ADGRE1: variants seen among roughly 807,000 people sequenced by gnomAD.
ADGRE1 encodes adhesion G protein-coupled receptor E1, also known as EGF-like module receptor 1.
A neutral mutation model predicts 102.7 loss-of-function variants in ADGRE1; 82 were observed. The ratio of observed to expected loss-of-function variants is 0.80; its 90% CI spans 0.67 to 0.96. The LOEUF (loss-of-function observed/expected upper bound fraction) is 0.96, where lower values mean the gene tolerates loss of function less well. ADGRE1 is among the 40% of genes least tolerant of loss of function. The pLI, the probability that ADGRE1 is intolerant of heterozygous loss-of-function variation, is 0.00. For synonymous variants in ADGRE1, 398 were observed against 399.6 expected, an observed-to-expected ratio of 1.00 and a Z score of 0.05; for missense variants, 1,032 against 1,085.3, an observed-to-expected ratio of 0.95 and a Z score of 0.69.
intron 10 of ADGRE1, among the ~76,000 whole-genome samples, chr19:6,909,447 T>C (rs1293655815): frequency 6.6e-6 from 1 of 152,152 alleles, no homozygotes; most frequent in Non-Finnish European, 1.5e-5. Context: ...TGGAAGAGTG[T>C]TATATAAATG....
At chr19:6,887,702 A>G in intron 1 of ADGRE1, 63 bp downstream of exon 1, 1 of 1,552,864 alleles carries the variant, frequency 6.4e-7, no homozygotes, top group Non-Finnish European at 8.8e-7. Context: ...TTCAGGAGAA[A>G]TGGGAGGGCC....
intron 17 of ADGRE1, among the ~76,000 whole-genome samples, chr19:6,932,538 T>C (rs1474936563): frequency 6.6e-6 from 1 of 152,126 alleles, no homozygotes; most frequent in East Asian, 1.9e-4. Flanking sequence ...CCAGCATTTT[T>C]GGTGTTTTGT....
intron 19 of ADGRE1, 62 bp downstream of exon 19, chr19:6,937,473 G>A (rs1298182350): frequency 4.6e-5 from 30 of 646,778 alleles, no homozygotes; most frequent in Admixed American, 4.5e-4. Flanking sequence ...CTTCCCCACC[G>A]CATCCCTCCA....
chr19:6,909,554 C>A (rs673320), intron 10 of ADGRE1, among the ~76,000 whole-genome samples: 22,956 of 149,800 alleles, frequency 0.15, 1,871 homozygotes, highest in Middle Eastern at 0.21. Flanking sequence ...AATGCCATTT[C>A]CTCCTCCTCC....
rs202178543 is a variant in ADGRE1, at chr19:6,937,666, C to T, written c.2655+18C>T. On this transcript the variant is annotated intron_variant, in intron 20 of 20. Coordinates refer to ENST00000312053, the MANE Select transcript of ADGRE1 (RefSeq NM_001974.5). ...CCAAGACGGTGAGAGACTGCATGCT[C>T]CCTGCAGGTGCTGGTCGAGGGAGGT... 233 of 1,611,604 alleles carry T rather than the reference C, an allele frequency of 1.4e-4. No individual in the cohort carries two copies. The African/African-American group carries it at 2.6e-3, about 18-fold the overall frequency.
intron 14 of ADGRE1, among the ~76,000 whole-genome samples, chr19:6,922,438 A>AC (rs1257106652): frequency 6.6e-6 from 1 of 151,128 alleles, no homozygotes; most frequent in Non-Finnish European, 1.5e-5. Flanking sequence ...ACATGGTGAA[A>AC]CCCCCGTCTC....
chr19:6,916,585 A>G (rs995645581), intron 12 of ADGRE1, among the ~76,000 whole-genome samples: 8 of 152,014 alleles, frequency 5.3e-5, no homozygotes, highest in Non-Finnish European at 1.0e-4. Context: ...CCTATATGAT[A>G]TGTGCTGGTC....
In ADGRE1 at chr19:6,913,726, C is replaced by T. The variant is rs1223741145; in HGVS notation, c.1196C>T (p.Ser399Phe). ...ACTAAATTCACCAAGGAAGAGACGT[C>T]CTCCCTGGCCACAGTCTTCCTGGAG... Reference protein sequence around the residue: ...TWTKFTKEETSSLATVFLESV... With the variant: ...TWTKFTKEETFSLATVFLESV... Residue 399 changes from serine to phenylalanine, a missense_variant, in exon 11 of 21, where the codon TCC (serine) becomes TTC (phenylalanine). Physicochemically the swap from Ser to Phe is radical, Grantham distance 155. Coordinates refer to ENST00000312053, the MANE Select transcript of ADGRE1 (RefSeq NM_001974.5). 1.2e-6 allele frequency: 2 copies of T among 1,613,390 alleles called. No homozygotes were observed. The highest frequency in any genetic ancestry group is 1.1e-5 in the South Asian group (1 of 90,820).
chr19:6,940,313 A>T lies in ADGRE1; in HGVS notation c.*284A>T. 1.9e-6 allele frequency: 1 copy of T among 534,166 alleles called. No individual in the cohort carries two copies. Among genetic ancestry groups the T allele is most frequent in the Non-Finnish European group, 3.4e-6 (1 of 298,162 alleles). 33.1% of individuals were successfully genotyped at this position (534,166 alleles called of 1,614,324 possible). ...ACCCAAATTCAATGGCATGACCAAG[A>T]ACACCTGGCTACCATTTTGTTTTCT... On this transcript the variant is annotated 3_prime_UTR_variant, in exon 21 of 21. Transcript: ENST00000312053.
rs1974677725 is a variant in ADGRE1, at chr19:6,921,807, C to A, written c.1715C>A (p.Ala572Asp). 1 of 1,614,000 alleles carries A rather than the reference C, an allele frequency of 6.2e-7. No homozygotes were observed. Among genetic ancestry groups the A allele is most frequent in the Non-Finnish European group, 8.5e-7 (1 of 1,180,024 alleles). The change falls in exon 14 of 21, where the codon GCT becomes GAT. Residue 572 changes from alanine (A) to aspartate (D), a missense_variant. Coordinates refer to ENST00000312053, the MANE Select transcript of ADGRE1 (RefSeq NM_001974.5). ...TCCTTTGGCTGTGTGATCCTGGAAG[C>A]TTCTGAGACATATACCATCTGCAGC... is the stretch of plus-strand genomic sequence containing the variant. ...WTSFGCVILE[A>D]SETYTICSCN...
At chr19:6,909,860 G>C (rs1056092176) in intron 10 of ADGRE1, among the ~76,000 whole-genome samples, 5 of 151,964 alleles carry the variant, frequency 3.3e-5, no homozygotes, top group African/African-American at 1.2e-4. Context: ...TCAGCCTCCC[G>C]AGTAGTTGGG....
intron 20 of ADGRE1, among the ~76,000 whole-genome samples, 168 bp downstream of exon 20, chr19:6,937,816 TTAGCAG>T (rs1975489289): frequency 6.6e-6 from 1 of 152,058 alleles, no homozygotes; most frequent in Non-Finnish European, 1.5e-5. Flanking sequence ...TATGTATATA[TTAGCAG>T]ACACACACAC....
Position 6,937,179 on chromosome 19 carries a change from A to G in ADGRE1, c.2382-64A>G, listed in dbSNP as rs1428585977. The G allele has an allele frequency of 1.9e-6, 3 of 1,542,732 alleles. No homozygotes were observed. In the African/African-American group the frequency reaches 4.1e-5, roughly 21 times the overall value. ...GTGGCCACCTCAGACCATTCCTGGA[A>G]GTGTGGCCTGCAAGGACAATAGCCA... On this transcript the variant is annotated intron_variant, in intron 18 of 20. Transcript: ENST00000312053.
chr19:6,903,526 C>A (rs454176), intron 6 of ADGRE1, among the ~76,000 whole-genome samples: 2 of 151,924 alleles, frequency 1.3e-5, no homozygotes, highest in Non-Finnish European at 2.9e-5. Flanking sequence ...TTCCTTAGAG[C>A]CTTGGTGTTC....
intron 20 of ADGRE1, among the ~76,000 whole-genome samples, chr19:6,939,530 T>C (rs118088828): frequency 0.013 from 2,012 of 152,242 alleles, 26 homozygotes; most frequent in Middle Eastern, 0.027. Context: ...TTCCCCAGTT[T>C]TCCATTCCAC....
At chr19:6,918,556 G>A (rs561577273) in intron 12 of ADGRE1, among the ~76,000 whole-genome samples, 4 of 152,144 alleles carry the variant, frequency 2.6e-5, no homozygotes, top group Non-Finnish European at 5.9e-5. Flanking sequence ...AAGCGGCATA[G>A]GACGTATCCC....
intron 2 of ADGRE1, among the ~76,000 whole-genome samples, chr19:6,892,336 A>T (rs940250865): frequency 3.3e-5 from 5 of 152,172 alleles, no homozygotes; most frequent in African/African-American, 1.2e-4. Context: ...TGTTTTTATG[A>T]TACTTTTTAG....
intron 14 of ADGRE1, among the ~76,000 whole-genome samples, chr19:6,923,827 C>T (rs1295832352): frequency 1.3e-5 from 2 of 151,504 alleles, no homozygotes; most frequent in African/African-American, 4.9e-5. Flanking sequence ...GCATGAGCCA[C>T]TGCGCCCAGC....
At chr19:6,910,308 G>A (rs139847114) in intron 10 of ADGRE1, among the ~76,000 whole-genome samples, 40 of 151,550 alleles carry the variant, frequency 2.6e-4, no homozygotes, top group East Asian at 9.7e-4. Flanking sequence ...CCCCCCTCCC[G>A]CTCCACCCAA....
Sources: gnomAD v4.1 joint callset for allele counts (sites outside exome capture counted in the v4.1 genomes callset) on GRCh38, gnomAD v4.1.1 for gene constraint, MANE v1.5 for transcripts, NCBI Gene and HGNC (gene_info 2026-07-23, HGNC 2026-07-21) for gene names.